BNC2: variants seen among roughly 807,000 people sequenced by gnomAD.
The protein encoded by BNC2 is basonuclin zinc finger protein 2, also known as zinc finger protein basonuclin-2.
A neutral mutation model predicts 76.3 loss-of-function variants in BNC2; 20 were observed. The ratio of observed to expected loss-of-function variants is 0.26; its 90% CI spans 0.18 to 0.38. The LOEUF is 0.38. Among genes scored for constraint, BNC2 ranks in the 10% least tolerant of loss-of-function variants. The pLI, the probability that BNC2 is intolerant of heterozygous loss-of-function variation, is 1.00. For missense variants in BNC2, 1,382 were observed against 1,399.8 expected (o/e 0.99, Z 0.20); for synonymous variants, 582 against 514.8 (o/e 1.13, Z -1.77).
intron 5 of BNC2, among the ~76,000 whole-genome samples, chr9:16,478,189 C>T (rs945801157): frequency 6.6e-6 from 1 of 152,156 alleles, no homozygotes; most frequent in African/African-American, 2.4e-5. Context: ...AAGCAATATG[C>T]TTCCTGGTCC....
intron 3 of BNC2, among the ~76,000 whole-genome samples, chr9:16,631,505 A>G (rs1288842332): frequency 6.6e-6 from 1 of 152,234 alleles, no homozygotes; most frequent in African/African-American, 2.4e-5. Context: ...TAACTAGGTT[A>G]ATAACCATAC....
intron 3 of BNC2, among the ~76,000 whole-genome samples, chr9:16,600,730 G>A (rs1820220923): frequency 6.6e-6 from 1 of 152,140 alleles, no homozygotes; most frequent in South Asian, 2.1e-4. Context: ...ATGCGGGGGT[G>A]CGGCGGGTGG....
chr9:16,525,065 C>T (rs1472708766), intron 5 of BNC2, among the ~76,000 whole-genome samples: 3 of 103,414 alleles, frequency 2.9e-5, no homozygotes, highest in Non-Finnish European at 4.7e-5. Context: ...GACAGAGACC[C>T]GGAGTGGGGG....
At chr9:16,522,321 G>C (rs927655943) in intron 5 of BNC2, among the ~76,000 whole-genome samples, 2 of 152,190 alleles carry the variant, frequency 1.3e-5, no homozygotes, top group Non-Finnish European at 2.9e-5. Flanking sequence ...CATGTTGGCT[G>C]CCACGGCCTC....
intron 1 of BNC2, among the ~76,000 whole-genome samples, chr9:16,762,175 A>G (rs1038723848): frequency 1.2e-4 from 19 of 152,248 alleles, no homozygotes; most frequent in African/African-American, 4.6e-4. Flanking sequence ...TTTTTCATGG[A>G]CATCATCAAG....
intron 3 of BNC2, among the ~76,000 whole-genome samples, chr9:16,587,777 C>T (rs1819814277): frequency 2.0e-5 from 3 of 152,088 alleles, no homozygotes; most frequent in South Asian, 2.1e-4. Context: ...TCTAGCTTCC[C>T]TCCTTCCAAG....
chr9:16,663,123 G>GT (rs1422935509), intron 3 of BNC2, among the ~76,000 whole-genome samples: 4 of 67,438 alleles, frequency 5.9e-5, no homozygotes, highest in African/African-American at 1.8e-4. Flanking sequence ...ACTCCACTCT[G>GT]TTTACTCTTT....
At chr9:16,653,266 T>A (rs1821840675) in intron 3 of BNC2, among the ~76,000 whole-genome samples, 1 of 151,984 alleles carries the variant, frequency 6.6e-6, no homozygotes, top group South Asian at 2.1e-4. Context: ...CTCTTCCCCA[T>A]CTCACCAAAG....
chr9:16,485,722 C>A (rs529774511), intron 5 of BNC2, among the ~76,000 whole-genome samples: 3 of 152,178 alleles, frequency 2.0e-5, no homozygotes, highest in East Asian at 3.9e-4. Flanking sequence ...CGTGGGAGGA[C>A]TGCTTGAGCC....
intron 1 of BNC2, among the ~76,000 whole-genome samples, chr9:16,751,700 A>ATATGTATGTGTGTGTG: frequency 1.3e-5 from 2 of 149,120 alleles, no homozygotes; most frequent in African/African-American, 4.9e-5. Flanking sequence ...GTGTATATAT[A>ATATGTATGTGTGTGTG]TATATATGTA....
At chr9:16,785,014 T>C (rs905614319) in intron 1 of BNC2, among the ~76,000 whole-genome samples, 1 of 152,224 alleles carries the variant, frequency 6.6e-6, no homozygotes, top group East Asian at 1.9e-4. Context: ...TAATACAGTA[T>C]GAATACAGTA....
chr9:16,713,670 T>C (rs1487082727), intron 3 of BNC2, among the ~76,000 whole-genome samples: 3 of 152,228 alleles, frequency 2.0e-5, no homozygotes, highest in Non-Finnish European at 4.4e-5. Context: ...CCAGGGTATT[T>C]AGAATGGAAG....
In BNC2 at chr9:16,436,366, C is replaced by T; in HGVS notation, c.1828G>A (p.Glu610Lys). Residue 610 changes from glutamate to lysine, a missense_variant, in exon 6 of 7, where the codon GAG becomes AAG. Glu to Lys is a moderately conservative substitution (Grantham distance 56). Transcript: ENST00000380672. ...ATCATCACTGCTGGCACTACTGGCT[C>T]AGAGGGTGGCGGGGGGTGCTGCTCT... The part of the protein sequence containing the change: ...TIEQHPPPPS[E>K]PVVPAVMMAT... 2 of 1,614,114 alleles carry T rather than the reference C, an allele frequency of 1.2e-6. No homozygotes were observed. The highest frequency in any genetic ancestry group is 1.7e-6 in the Non-Finnish European group (2 of 1,180,010).
At chr9:16,572,964 C>G (rs1318285757) in intron 4 of BNC2, among the ~76,000 whole-genome samples, 1 of 152,070 alleles carries the variant, frequency 6.6e-6, no homozygotes, top group Non-Finnish European at 1.5e-5. Context: ...CACGGAGGCT[C>G]ACAGCTGTAA....
At chr9:16,600,237 G>C (rs1259178897) in intron 3 of BNC2, among the ~76,000 whole-genome samples, 1 of 152,156 alleles carries the variant, frequency 6.6e-6, no homozygotes, top group Non-Finnish European at 1.5e-5. Context: ...ATCATAAATA[G>C]ATAAGGAAAG....
In BNC2 at chr9:16,437,299, C is replaced by T; in HGVS notation, c.895G>A (p.Ala299Thr). ...GAAGGATTGCTGTTCTCTAAGTGAG[C>T]AAGGAGGCTGGGACTCCTGGTGCGA... ...NNRTRSPSLL[A>T]HLENSNPSSI... The change falls in exon 6 of 7, where the codon GCT (alanine) becomes ACT (threonine). Residue 299 changes from alanine (A) to threonine (T), a missense_variant. Physicochemically the swap from Ala to Thr is moderately conservative, Grantham distance 58 (BLOSUM62 0). Around this residue, in one of 3 missense-constraint regions of BNC2, gnomAD observed 557 missense variants for 540.9 expected, o/e 1.03. Coordinates refer to ENST00000380672, the MANE Select transcript of BNC2 (RefSeq NM_017637.6). 1 of 1,614,136 alleles carries T rather than the reference C, an allele frequency of 6.2e-7. No homozygotes were observed. The highest frequency in any genetic ancestry group is 1.7e-5 in the Admixed American group (1 of 60,022).
chr9:16,864,985 T>G (rs893225234), intron 1 of BNC2, among the ~76,000 whole-genome samples: 3 of 150,334 alleles, frequency 2.0e-5, no homozygotes, highest in Non-Finnish European at 4.4e-5. Flanking sequence ...TTAAAACAGC[T>G]TGCTATACAC....
At chr9:16,737,075 G>C (rs1285702105) in intron 2 of BNC2, among the ~76,000 whole-genome samples, 2 of 151,776 alleles carry the variant, frequency 1.3e-5, no homozygotes, top group Non-Finnish European at 2.9e-5. Context: ...CAAAGTGCTG[G>C]GATTACAGGC....
intron 3 of BNC2, among the ~76,000 whole-genome samples, chr9:16,663,401 T>G (rs990952446): frequency 1.3e-5 from 2 of 152,132 alleles, no homozygotes; most frequent in Admixed American, 1.3e-4. Flanking sequence ...GTGCTGGGAT[T>G]ACAGGCGTGA....
Sources: gnomAD v4.1 joint callset for allele counts (sites outside exome capture counted in the v4.1 genomes callset) on GRCh38, gnomAD v4.1.1 for gene constraint, gnomAD v4.1.1 regional missense constraint, MANE v1.5 for transcripts, NCBI Gene and HGNC (gene_info 2026-07-23, HGNC 2026-07-21) for gene names.